ABCA12: variants seen among roughly 807,000 people sequenced by gnomAD.
ABCA12 encodes glucosylceramide transporter ABCA12.
In ABCA12, 156 loss-of-function variants were observed where a neutral mutation model predicts 293.5. That is an observed-to-expected ratio of 0.53 (90% CI 0.47 to 0.61). ABCA12 has a LOEUF of 0.61. ABCA12 is among the 20% of genes least tolerant of loss of function. The probability of loss-of-function intolerance (pLI) is 0.00; values close to 1 mark genes in which losing one functional copy is unlikely to be tolerated. For missense variants in ABCA12, 2,797 were observed against 3,090.2 expected (o/e 0.91, Z 2.25); for synonymous variants, 1,063 against 1,108.0 (o/e 0.96, Z 0.81).
At chr2:215,095,903 A>G (rs1207584516) in intron 2 of ABCA12, among the ~76,000 whole-genome samples, 2 of 151,130 alleles carry the variant, frequency 1.3e-5, no homozygotes, top group African/African-American at 4.9e-5. Context: ...ATCCTATAAA[A>G]CTGCCCCACC....
chr2:215,022,355 A>G lies in ABCA12; in HGVS notation c.1288-2559T>C, dbSNP rs981015285. The G allele has an allele frequency of 7.2e-5, 11 of 152,338 alleles. No homozygotes were observed. In the East Asian group the frequency reaches 1.9e-3, roughly 27 times the overall value. The allele number at this position is 152,338 out of a possible 1,614,324, so 9.4% of individuals were successfully genotyped here. A position where few individuals can be genotyped will look rare whatever the true frequency, so the allele number is the denominator to read the frequency against. On this transcript the variant is annotated intron_variant, in intron 11 of 52. Coordinates refer to ENST00000272895, the MANE Select transcript of ABCA12 (RefSeq NM_173076.3). ...GCTAATAGGCTTGGTTCTCTGAAATAAAAGTATAATTCAGGGCCAATAATG... is the reference window on the plus strand; with the variant it reads ...GCTAATAGGCTTGGTTCTCTGAAATGAAAGTATAATTCAGGGCCAATAATG...
intron 8 of ABCA12, among the ~76,000 whole-genome samples, chr2:215,034,053 G>T (rs1700940269): frequency 2.0e-5 from 3 of 152,152 alleles, no homozygotes; most frequent in Non-Finnish European, 4.4e-5. Context: ...CTTTTTATCA[G>T]TAAGGATTTC....
At chr2:215,105,419 T>G (rs1702444416) in intron 2 of ABCA12, among the ~76,000 whole-genome samples, 1 of 152,070 alleles carries the variant, frequency 6.6e-6, no homozygotes. Context: ...AGCACAGGCA[T>G]TCTACTGCAG....
intron 33 of ABCA12, among the ~76,000 whole-genome samples, 176 bp from the exon 34 acceptor site, chr2:214,976,213 A>G (rs1490904490): frequency 2.6e-5 from 4 of 152,230 alleles, no homozygotes; most frequent in East Asian, 1.9e-4. Flanking sequence ...TTCCATTGGG[A>G]AAACTGAGAA....
intron 1 of ABCA12, among the ~76,000 whole-genome samples, chr2:215,112,508 T>G (rs60395874): frequency 0.65 from 85,913 of 131,538 alleles, 31,463 homozygotes; most frequent in East Asian, 0.96. Flanking sequence ...TTTTTTTTTG[T>G]TTTTTTTTGA....
At chr2:215,003,950 G>A (rs940357454) in intron 20 of ABCA12, among the ~76,000 whole-genome samples, 3 of 152,188 alleles carry the variant, frequency 2.0e-5, no homozygotes, top group African/African-American at 2.4e-5. Flanking sequence ...TTATAGGCGT[G>A]AGCCACCACG....
chr2:215,042,117 T>C (rs558414563), intron 7 of ABCA12: 12 of 152,348 alleles, frequency 7.9e-5, no homozygotes, highest in Middle Eastern at 3.4e-3. Context: ...ATTGTACCTA[T>C]AGCTTACAAT....
At chr2:215,049,547 A>G in intron 6 of ABCA12, 79 bp downstream of exon 6, 1 of 1,400,534 alleles carries the variant, frequency 7.1e-7, no homozygotes, top group Admixed American at 1.7e-5. Flanking sequence ...CCCAGTCAGC[A>G]TTTCCCAGTC....
chr2:215,033,992 A>G (rs770979154), intron 8 of ABCA12, among the ~76,000 whole-genome samples: 1 of 152,182 alleles, frequency 6.6e-6, no homozygotes, highest in Non-Finnish European at 1.5e-5. Context: ...GGATAGACAC[A>G]GCTAAAAAAA....
chr2:214,993,118 G>T (rs1249991353), intron 23 of ABCA12, among the ~76,000 whole-genome samples: 1 of 152,166 alleles, frequency 6.6e-6, no homozygotes, highest in African/African-American at 2.4e-5. Flanking sequence ...CAGCTACCTG[G>T]CTGCCAACAG....
At chr2:215,051,294 T>G (rs1019124298) in intron 5 of ABCA12, among the ~76,000 whole-genome samples, 5 of 152,156 alleles carry the variant, frequency 3.3e-5, no homozygotes, top group African/African-American at 4.8e-5. Flanking sequence ...CCTCAAATAT[T>G]ATGTAAACTA....
chr2:214,957,868 G>T (rs183874196), intron 41 of ABCA12, among the ~76,000 whole-genome samples: 9 of 152,294 alleles, frequency 5.9e-5, no homozygotes, highest in Admixed American at 5.2e-4. Context: ...AAGCTTGATT[G>T]TTTGGCACAA....
rs139223000 is a variant in ABCA12, at chr2:215,001,677, G to A, written c.2744C>T (p.Ser915Phe). The A allele has an allele frequency of 4.1e-5, 66 of 1,613,742 alleles. No homozygotes were observed. The African/African-American group carries it at 4.8e-4, about 12-fold the overall frequency. ...IDIIDQLNTL[S>F]SLTVNISSCV... ...AGAGGAAATATTTACTGTCAGGGAA[G>A]ATAGTGTGTTAAGCTGATCGATGAT... Residue 915 changes from serine to phenylalanine, a missense_variant, in exon 21 of 53, where the codon TCT becomes TTT. Around this residue, in one of 3 missense-constraint regions of ABCA12, gnomAD observed 2,130 missense variants for 2,427.0 expected, o/e 0.88. Transcript: ENST00000272895.
At position 214,959,083 on chromosome 2, in the gene ABCA12, A is replaced by G; in HGVS notation, c.5885-5T>C. The G allele has an allele frequency of 6.2e-7, 1 of 1,613,476 alleles. No homozygotes were observed. Among genetic ancestry groups the G allele is most frequent in the Non-Finnish European group, 8.5e-7 (1 of 1,179,432 alleles). ...GATGGCTATACATGATGATGCCTTAAAGACGAAACAGTTCTTCTATTAGTA... is the reference window on the plus strand; with the variant it reads ...GATGGCTATACATGATGATGCCTTAGAGACGAAACAGTTCTTCTATTAGTA... On this transcript the variant is annotated splice_polypyrimidine_tract_variant and splice_region_variant and intron_variant, in intron 39 of 52. Transcript: ENST00000272895.
chr2:215,098,377 T>A (rs576103440), intron 2 of ABCA12, among the ~76,000 whole-genome samples: 12 of 152,338 alleles, frequency 7.9e-5, no homozygotes, highest in African/African-American at 2.9e-4. Flanking sequence ...GAGTTCCATC[T>A]CTTCTATATC....
At chr2:215,084,502 A>G (rs1042769377) in intron 2 of ABCA12, among the ~76,000 whole-genome samples, 2 of 152,168 alleles carry the variant, frequency 1.3e-5, no homozygotes, top group East Asian at 3.9e-4. Flanking sequence ...AAAGTACTAC[A>G]AATGCTAAGG....
intron 2 of ABCA12, among the ~76,000 whole-genome samples, chr2:215,084,384 AAGTGGCAATCTG>A (rs1702000503): frequency 2.0e-5 from 3 of 152,236 alleles, no homozygotes; most frequent in African/African-American, 7.2e-5. Context: ...TTTATTTATC[AAGTGGCAATCTG>A]AGTCACAACA....
At chr2:215,046,054 T>G in intron 6 of ABCA12, 39 bp from the exon 7 acceptor site, 1 of 1,592,984 alleles carries the variant, frequency 6.3e-7, no homozygotes, top group East Asian at 2.2e-5. Context: ...AAATGAGACT[T>G]TAACATTTGT....
chr2:215,035,435 T>C (rs1700971148), intron 8 of ABCA12, among the ~76,000 whole-genome samples: 2 of 152,054 alleles, frequency 1.3e-5, no homozygotes, highest in African/African-American at 4.8e-5. Flanking sequence ...TTTGGGAGGC[T>C]GAGGTGGGTG....
Sources: gnomAD v4.1 joint callset for allele counts (sites outside exome capture counted in the v4.1 genomes callset) on GRCh38, gnomAD v4.1.1 for gene constraint, gnomAD v4.1.1 regional missense constraint, MANE v1.5 for transcripts, NCBI Gene and HGNC (gene_info 2026-07-23, HGNC 2026-07-21) for gene names.